DCC: variants seen among roughly 807,000 people sequenced by gnomAD.
The protein encoded by DCC is netrin receptor DCC.
Under a neutral mutation model 172.5 loss-of-function variants are expected in DCC, and 58 were observed. The ratio of observed to expected loss-of-function variants is 0.34; its 90% CI spans 0.27 to 0.42. The LOEUF (loss-of-function observed/expected upper bound fraction) is 0.42. Among genes scored for constraint, DCC ranks in the 10% least tolerant of loss-of-function variants. The pLI is 1.00. For missense variants in DCC, 1,740 were observed against 1,791.0 expected (o/e 0.97, Z 0.51); for synonymous variants, 709 against 644.5 (o/e 1.10, Z -1.52).
intron 1 of DCC, among the ~76,000 whole-genome samples, chr18:52,508,840 A>G (rs2031328094): frequency 6.6e-6 from 1 of 152,224 alleles, no homozygotes; most frequent in South Asian, 2.1e-4. Flanking sequence ...AGATGAAAAA[A>G]GGCTATAAGA....
chr18:53,410,936 T>C (rs985443912), intron 20 of DCC, among the ~76,000 whole-genome samples: 2 of 152,178 alleles, frequency 1.3e-5, no homozygotes, highest in Non-Finnish European at 2.9e-5. Context: ...ATGAAATGCT[T>C]CAGCCATTTT....
chr18:52,449,537 T>G (rs1988234328), intron 1 of DCC, among the ~76,000 whole-genome samples: 1 of 152,208 alleles, frequency 6.6e-6, no homozygotes, highest in Non-Finnish European at 1.5e-5. Flanking sequence ...CATTTGCTCA[T>G]TCTGAGGAAA....
At chr18:52,820,690 T>C (rs28409180) in intron 2 of DCC, among the ~76,000 whole-genome samples, 7,024 of 152,150 alleles carry the variant, frequency 0.046, 247 homozygotes, top group South Asian at 0.17. Context: ...AGTAACCACA[T>C]TAGGAGGGTC....
intron 12 of DCC, among the ~76,000 whole-genome samples, chr18:53,227,239 T>C (rs57841322): frequency 0.35 from 52,748 of 151,374 alleles, 10,495 homozygotes; most frequent in Non-Finnish European, 0.46. Context: ...AGCCACCATG[T>C]CTGGCCAATC....
intron 1 of DCC, among the ~76,000 whole-genome samples, chr18:52,479,556 C>G (rs938483054): frequency 1.4e-5 from 2 of 145,974 alleles, no homozygotes; most frequent in Non-Finnish European, 3.0e-5. Context: ...CTGTCTCTCT[C>G]TCTCTCACTC....
chr18:53,430,838 G>A (rs1911566124), intron 21 of DCC, among the ~76,000 whole-genome samples: 1 of 152,082 alleles, frequency 6.6e-6, no homozygotes. Flanking sequence ...CCTAAAGGAA[G>A]TCATATTACT....
chr18:52,522,466 TCC>T (rs1408029700), intron 1 of DCC, among the ~76,000 whole-genome samples: 1 of 152,186 alleles, frequency 6.6e-6, no homozygotes, highest in Non-Finnish European at 1.5e-5. Context: ...CGAAAATCTC[TCC>T]TTTTTTCTTT....
rs540214656 is a variant in DCC at position 52,361,255 on chromosome 18, C to G, written c.91+20377C>G. 2.6e-5 allele frequency among the ~76,000 whole-genome samples: 4 copies of G among 152,308 alleles called. No homozygotes were observed. The East Asian group carries it at 7.7e-4, about 29-fold the overall frequency. ...AAATTGTTCCATAATCCCATCACTT[C>G]AGAATAAACCACAATTTATTTGTTT... is the stretch of plus-strand genomic sequence containing the variant. On this transcript the variant is annotated intron_variant, in intron 1 of 28. Coordinates refer to ENST00000442544, the MANE Select transcript of DCC (RefSeq NM_005215.4).
At chr18:52,908,072 T>C (rs2145452032) in intron 3 of DCC, among the ~76,000 whole-genome samples, 1 of 152,318 alleles carries the variant, frequency 6.6e-6, no homozygotes, top group East Asian at 1.9e-4. Context: ...AGGCACACAC[T>C]GGAGAAATTG....
rs1183225390 is a variant in DCC, at chr18:53,319,445, G to GA, written c.2054-2594dup. Among the ~76,000 whole-genome samples, 6 of 151,216 alleles carry GA rather than the reference G, an allele frequency of 4.0e-5. No homozygotes were observed. The East Asian group carries it at 9.7e-4, about 24-fold the overall frequency. On this transcript the variant is annotated intron_variant, in intron 13 of 28. Transcript: ENST00000442544. ...TTACCGAGAAAATGGAAAGAAAGAA[G>GA]AAAAAAAAGCAGGGGTTGCAATCCT...
At chr18:53,090,732 A>AAAAAAAAAAAAATAAT (rs1568298492) in intron 7 of DCC, among the ~76,000 whole-genome samples, 1 of 129,078 alleles carries the variant, frequency 7.7e-6, no homozygotes, top group African/African-American at 2.9e-5. Context: ...AAAAAAAAAA[A>AAAAAAAAAAAAATAAT]AAGAATGTAT....
At chr18:53,387,269 T>G (rs1908231002) in intron 16 of DCC, among the ~76,000 whole-genome samples, 1 of 152,226 alleles carries the variant, frequency 6.6e-6, no homozygotes, top group South Asian at 2.1e-4. Flanking sequence ...CAGTTGTTCT[T>G]TGAATTCATA....
At chr18:53,415,755 G>C (rs148008739) in intron 20 of DCC, among the ~76,000 whole-genome samples, 88 of 151,974 alleles carry the variant, frequency 5.8e-4, no homozygotes, top group Admixed American at 1.5e-3. Flanking sequence ...CAAGAAAATA[G>C]CTTCCTGAAT....
At chr18:52,776,931 C>T (rs942836183) in intron 2 of DCC, among the ~76,000 whole-genome samples, 11 of 152,072 alleles carry the variant, frequency 7.2e-5, no homozygotes, top group African/African-American at 2.4e-4. Flanking sequence ...TTTGTAACCA[C>T]GTATCCAAGA....
intron 9 of DCC, among the ~76,000 whole-genome samples, chr18:53,202,258 C>G (rs2055549417): frequency 6.6e-6 from 1 of 152,040 alleles, no homozygotes; most frequent in Non-Finnish European, 1.5e-5. Flanking sequence ...AAAAGAGGTA[C>G]TCCAATAAAC....
chr18:52,457,451 G>A (rs753822242), intron 1 of DCC, among the ~76,000 whole-genome samples: 2 of 152,052 alleles, frequency 1.3e-5, no homozygotes, highest in Non-Finnish European at 2.9e-5. Flanking sequence ...ATGGGCACAG[G>A]GGGTCACCAA....
chr18:53,369,961 T>A (rs757780699), intron 15 of DCC, among the ~76,000 whole-genome samples: 1 of 151,804 alleles, frequency 6.6e-6, no homozygotes, highest in Non-Finnish European at 1.5e-5. Context: ...AATAGGAAAA[T>A]GCTGGCCTCA....
At chr18:52,908,452 TTAA>T (rs1446822895) in intron 3 of DCC, among the ~76,000 whole-genome samples, 1 of 152,178 alleles carries the variant, frequency 6.6e-6, no homozygotes, top group Non-Finnish European at 1.5e-5. Context: ...TCACATATTA[TTAA>T]TAATGCATCT....
At chr18:52,517,636 A>G (rs925537341) in intron 1 of DCC, among the ~76,000 whole-genome samples, 5 of 152,232 alleles carry the variant, frequency 3.3e-5, no homozygotes, top group Admixed American at 2.0e-4. Context: ...AAAAGTGCAT[A>G]TGTCATAAAT....
Sources: gnomAD v4.1 joint callset for allele counts (sites outside exome capture counted in the v4.1 genomes callset) on GRCh38, gnomAD v4.1.1 for gene constraint, MANE v1.5 for transcripts, NCBI Gene and HGNC (gene_info 2026-07-23, HGNC 2026-07-21) for gene names.